The following CNTNAP2 variants were observed in gnomAD, a reference collection of about 807,000 sequenced individuals.
CNTNAP2 encodes contactin-associated protein-like 2.
CNTNAP2 carries 98 observed loss-of-function variants against 155.2 expected under a neutral mutation model. The ratio of observed to expected loss-of-function variants is 0.63; its 90% CI spans 0.54 to 0.75. The LOEUF (loss-of-function observed/expected upper bound fraction) is 0.75. Ranked by LOEUF, CNTNAP2 falls within the 30% of genes least tolerant of loss-of-function variation. The probability of loss-of-function intolerance (pLI) is 0.00; values close to 1 mark genes in which losing one functional copy is unlikely to be tolerated. For missense variants in CNTNAP2, 1,727 were observed against 1,688.1 expected (o/e 1.02, Z -0.40); for synonymous variants, 651 against 631.2 (o/e 1.03, Z -0.47).
intron 1 of CNTNAP2, among the ~76,000 whole-genome samples, chr7:146,539,149 T>C (rs1453840329): frequency 6.6e-6 from 1 of 152,084 alleles, no homozygotes; most frequent in African/African-American, 2.4e-5. Flanking sequence ...AGCAAACCAG[T>C]ATCAAATCGA....
At chr7:148,292,354 C>T (rs374205218) in intron 21 of CNTNAP2, among the ~76,000 whole-genome samples, 12 of 152,194 alleles carry the variant, frequency 7.9e-5, no homozygotes, top group Admixed American at 3.9e-4. Flanking sequence ...TAATTATGGA[C>T]GTAATGTAGA....
At chr7:147,370,289 G>A (rs752616722) in intron 9 of CNTNAP2, among the ~76,000 whole-genome samples, 4 of 152,160 alleles carry the variant, frequency 2.6e-5, no homozygotes. Flanking sequence ...ATCTGTATTT[G>A]ATAAATTCTT....
chr7:147,172,601 A>C (rs1311460255), intron 8 of CNTNAP2, among the ~76,000 whole-genome samples: 1 of 152,112 alleles, frequency 6.6e-6, no homozygotes, highest in Non-Finnish European at 1.5e-5. Context: ...GCTTTGTAAG[A>C]TATGCCATTG....
chr7:147,671,108 G>A (rs780955639), intron 13 of CNTNAP2, among the ~76,000 whole-genome samples: 56 of 152,330 alleles, frequency 3.7e-4, no homozygotes, highest in Middle Eastern at 6.8e-3. Context: ...CAGCGGATCC[G>A]AGTGAGTGGA....
intron 21 of CNTNAP2, among the ~76,000 whole-genome samples, chr7:148,360,327 A>G (rs1798594985): frequency 6.6e-6 from 1 of 152,230 alleles, no homozygotes; most frequent in Non-Finnish European, 1.5e-5. Context: ...CAAGCAATTG[A>G]GTGGTGAAGA....
intron 1 of CNTNAP2, among the ~76,000 whole-genome samples, chr7:146,675,308 T>C (rs1188487747): frequency 6.6e-6 from 1 of 152,148 alleles, no homozygotes; most frequent in African/African-American, 2.4e-5. Context: ...AGAATTCTGA[T>C]CTTGGATCAT....
At chr7:147,552,959 A>C (rs747629672) in intron 11 of CNTNAP2, among the ~76,000 whole-genome samples, 3 of 152,230 alleles carry the variant, frequency 2.0e-5, no homozygotes, top group Non-Finnish European at 4.4e-5. Context: ...AGGACAGTCA[A>C]GAGGCAAAAA....
At chr7:148,197,064 G>A (rs1409136175) in intron 18 of CNTNAP2, among the ~76,000 whole-genome samples, 1 of 152,054 alleles carries the variant, frequency 6.6e-6, no homozygotes, top group African/African-American at 2.4e-5. Context: ...TATACATTTT[G>A]TAAATATATT....
chr7:147,035,539 C>A (rs1007461135), intron 3 of CNTNAP2, among the ~76,000 whole-genome samples: 18 of 152,176 alleles, frequency 1.2e-4, no homozygotes, highest in African/African-American at 4.3e-4. Context: ...GCCACAGAGT[C>A]ATTTTATGTT....
intron 12 of CNTNAP2, among the ~76,000 whole-genome samples, chr7:147,588,101 A>C (rs1563010593): frequency 6.6e-6 from 1 of 152,164 alleles, no homozygotes; most frequent in African/African-American, 2.4e-5. Context: ...TGAATCCAAA[A>C]AGATAGATAG....
chr7:146,998,820 G>A lies in CNTNAP2; in HGVS notation c.403-45087G>A, dbSNP rs139862759. On this transcript the variant is annotated intron_variant, in intron 3 of 23. Coordinates refer to ENST00000361727, the MANE Select transcript of CNTNAP2 (RefSeq NM_014141.6). ...TTTTGGCTTAAAGTCTATTTTATCT[G>A]ATATAACTATACCTAGCCTTGCACT... 4.0e-5 allele frequency among the ~76,000 whole-genome samples: 6 copies of A among 151,784 alleles called. No homozygotes were observed. In the East Asian group the frequency reaches 9.7e-4, roughly 25 times the overall value.
At position 147,393,119 on chromosome 7, in the gene CNTNAP2, G is replaced by C. The variant is rs561358592; in HGVS notation, c.1499-2490G>C. ...TCAGGCCTAATTGATTATAGAAGGG[G>C]ACAACAAAAGGGTGTGAAGTCAGGA... On this transcript the variant is annotated intron_variant, in intron 9 of 23. Coordinates refer to ENST00000361727, the MANE Select transcript of CNTNAP2 (RefSeq NM_014141.6). 7.9e-5 allele frequency among the ~76,000 whole-genome samples: 12 copies of C among 151,994 alleles called. No homozygotes were observed. In the South Asian group the frequency reaches 2.5e-3, roughly 32 times the overall value.
At chr7:147,031,456 T>C (rs898876904) in intron 3 of CNTNAP2, among the ~76,000 whole-genome samples, 36 of 152,212 alleles carry the variant, frequency 2.4e-4, no homozygotes, top group Non-Finnish European at 3.1e-4. Context: ...CATCCCAGTA[T>C]CTATCAATAC....
chr7:146,213,603 C>G (rs1799069521), intron 1 of CNTNAP2, among the ~76,000 whole-genome samples: 1 of 152,108 alleles, frequency 6.6e-6, no homozygotes. Context: ...AATGACTACT[C>G]TGGTTAGTAG....
At chr7:148,077,994 ATT>A (rs972619397) in intron 15 of CNTNAP2, among the ~76,000 whole-genome samples, 17 of 152,220 alleles carry the variant, frequency 1.1e-4, no homozygotes, top group Admixed American at 8.5e-4. Context: ...TTAATAGAAT[ATT>A]ACAATATTAA....
At chr7:147,548,374 T>G (rs1274839476) in intron 11 of CNTNAP2, among the ~76,000 whole-genome samples, 2 of 152,220 alleles carry the variant, frequency 1.3e-5, no homozygotes, top group African/African-American at 4.8e-5. Context: ...GAGCTTTTTT[T>G]CATATGTTTG....
intron 1 of CNTNAP2, among the ~76,000 whole-genome samples, chr7:146,762,410 C>A (rs190255679): frequency 6.6e-6 from 1 of 152,076 alleles, no homozygotes; most frequent in Admixed American, 6.5e-5. Flanking sequence ...ACCAGCCTGG[C>A]CAACATGGTG....
intron 10 of CNTNAP2, among the ~76,000 whole-genome samples, chr7:147,435,682 C>T (rs912316870): frequency 2.0e-5 from 3 of 152,104 alleles, no homozygotes; most frequent in Non-Finnish European, 2.9e-5. Context: ...CAGTTAAACA[C>T]GTTGGGTGTG....
chr7:146,657,258 C>T (rs1800011465), intron 1 of CNTNAP2, among the ~76,000 whole-genome samples: 1 of 152,172 alleles, frequency 6.6e-6, no homozygotes, highest in African/African-American at 2.4e-5. Flanking sequence ...TTATCATTTA[C>T]TTGGTATTCC....
Sources: gnomAD v4.1 joint callset for allele counts (sites outside exome capture counted in the v4.1 genomes callset) on GRCh38, gnomAD v4.1.1 for gene constraint, MANE v1.5 for transcripts, NCBI Gene and HGNC (gene_info 2026-07-23, HGNC 2026-07-21) for gene names.